GLYATL2: variants seen among roughly 807,000 people sequenced by gnomAD.
The protein encoded by GLYATL2 is glycine-N-acyltransferase like 2, also known as glycine N-acyltransferase-like protein 2.
A neutral mutation model predicts 21.4 loss-of-function variants in GLYATL2; 25 were observed. The observed-to-expected ratio is 1.17, with a 90% CI of 0.85 to 1.63. The LOEUF is 1.63. GLYATL2 is among the 40% of genes most tolerant of loss of function. The probability of loss-of-function intolerance (pLI) is 0.00; values close to 1 mark genes in which losing one functional copy is unlikely to be tolerated. For synonymous variants in GLYATL2, 114 were observed against 118.2 expected (o/e 0.96, Z 0.23); for missense variants, 361 against 343.3 (o/e 1.05, Z -0.41).
intron 1 of GLYATL2, among the ~76,000 whole-genome samples, chr11:58,869,888 A>G (rs567460): frequency 0.89 from 134,727 of 152,136 alleles, 60,862 homozygotes; most frequent in Non-Finnish European, 0.98. Flanking sequence ...TAAAACTATA[A>G]CCAGGAGTTT....
intron 5 of GLYATL2, 73 bp from the exon 6 acceptor site, chr11:58,834,910 A>G: frequency 8.6e-7 from 1 of 1,159,392 alleles, no homozygotes; most frequent in Non-Finnish European, 1.2e-6. Context: ...AATAAATATA[A>G]CACCATTCCT....
chr11:58,861,352 T>C (rs1244775771), intron 1 of GLYATL2, among the ~76,000 whole-genome samples: 2 of 151,862 alleles, frequency 1.3e-5, no homozygotes, highest in East Asian at 4.1e-4. Flanking sequence ...TATTCTAGAT[T>C]ATTCCAATTT....
intron 1 of GLYATL2, among the ~76,000 whole-genome samples, chr11:58,861,593 C>T (rs1853932849): frequency 6.6e-6 from 1 of 151,206 alleles, no homozygotes; most frequent in Admixed American, 6.6e-5. Context: ...TTTTTTCCTT[C>T]ATTCTATTAA....
rs1854612020 is a variant in GLYATL2 at position 58,895,116 on chromosome 11, T to C, written n.60+9040A>G. Among the ~76,000 whole-genome samples the C allele has an allele frequency of 2.0e-5, 3 of 152,320 alleles. No individual in the cohort carries two copies. In the South Asian group the frequency reaches 6.2e-4, roughly 32 times the overall value. On this transcript the variant is annotated intron_variant and non_coding_transcript_variant, in intron 1 of 4. Transcript: ENST00000533636. The stretch of plus-strand genomic sequence containing the variant: ...TGTCCAGCTGGCAGCTTCCCTCCTC[T>C]GTCCCTTCCCTGAATGCAAGCCAGC...
intron 1 of GLYATL2, chr11:58,892,522 G>A (rs1854562277): frequency 5.4e-6 from 1 of 184,052 alleles, no homozygotes; most frequent in South Asian, 1.6e-4. Context: ...AGAACAATCT[G>A]TGGTGTGACA....
At chr11:58,898,004 A>G (rs763152338) in intron 1 of GLYATL2, among the ~76,000 whole-genome samples, 4 of 152,182 alleles carry the variant, frequency 2.6e-5, no homozygotes, top group Non-Finnish European at 5.9e-5. Flanking sequence ...TGCCTCCACT[A>G]TGGAGTCTTA....
chr11:58,905,724 GTCATC>G, upstream of GLYATL2: 1 of 191,696 alleles, frequency 5.2e-6, no homozygotes, highest in Non-Finnish European at 1.1e-5. Context: ...ACCGGGATGG[GTCATC>G]TGGACAAATA....
At position 58,880,943 on chromosome 11, in the gene GLYATL2, T is replaced by A. The variant is rs1003574631; in HGVS notation, n.60+23213A>T. Among the ~76,000 whole-genome samples, 7 of 152,322 alleles carry A rather than the reference T, an allele frequency of 4.6e-5. No individual in the cohort carries two copies. In the East Asian group the frequency reaches 1.3e-3, roughly 29 times the overall value. ...CTATTTAACCTTCAAAGATAAAAAA[T>A]TTCAAACATCTGTATTAACTAATTT... On this transcript the variant is annotated intron_variant and non_coding_transcript_variant, in intron 1 of 4. Transcript: ENST00000533636.
At chr11:58,909,723 A>G in the GLYATL2 span, among the ~76,000 whole-genome samples, 3 of 152,222 alleles carry the variant, frequency 2.0e-5, no homozygotes. Flanking sequence ...CTAGACTGGT[A>G]AGGTAGTGTG....
At chr11:58,885,732 T>G (rs1197129851) in intron 1 of GLYATL2, among the ~76,000 whole-genome samples, 1 of 152,006 alleles carries the variant, frequency 6.6e-6, no homozygotes. Flanking sequence ...AGGACTCTTC[T>G]GGGAAAAGGG....
chr11:58,855,974 A>T (rs1232752811), intron 1 of GLYATL2, among the ~76,000 whole-genome samples: 4 of 151,924 alleles, frequency 2.6e-5, no homozygotes, highest in East Asian at 1.9e-4. Flanking sequence ...AAATAAAAAT[A>T]AAAAAAATCA....
At chr11:58,876,108 A>C (rs980492400) in intron 1 of GLYATL2, among the ~76,000 whole-genome samples, 2 of 152,020 alleles carry the variant, frequency 1.3e-5, no homozygotes, top group Admixed American at 1.3e-4. Flanking sequence ...TGCATTCATC[A>C]CGTTGTTCTC....
intron 1 of GLYATL2, among the ~76,000 whole-genome samples, chr11:58,879,646 A>G (rs1224088741): frequency 6.6e-6 from 1 of 152,166 alleles, no homozygotes; most frequent in African/African-American, 2.4e-5. Flanking sequence ...TAGAGTCATA[A>G]AGTAAAATAA....
At chr11:58,884,423 C>T (rs1427531706) in intron 1 of GLYATL2, among the ~76,000 whole-genome samples, 1 of 152,148 alleles carries the variant, frequency 6.6e-6, no homozygotes, top group Non-Finnish European at 1.5e-5. Context: ...CAATAACAGA[C>T]AAACAGAGAG....
intron 1 of GLYATL2, among the ~76,000 whole-genome samples, chr11:58,879,854 G>T (rs368384354): frequency 7.7e-6 from 1 of 130,102 alleles, no homozygotes; most frequent in African/African-American, 2.8e-5. Context: ...TTTTTTCCTT[G>T]TTTTTTTTTT....
chr11:58,840,936 A>G (rs946466955), intron 1 of GLYATL2: 1 of 151,610 alleles, frequency 6.6e-6, no homozygotes, highest in Non-Finnish European at 1.5e-5. Context: ...ATCTGTGTAT[A>G]TGTACATTTG....
Position 58,879,282 on chromosome 11 carries a change from T to C in GLYATL2, n.60+24874A>G, listed in dbSNP as rs181051294. Among the ~76,000 whole-genome samples, 805 of 152,234 alleles carry C rather than the reference T, an allele frequency of 5.3e-3. 8 individuals are homozygous for C. The highest frequency in any genetic ancestry group is 0.019 in the African/African-American group (771 of 41,532). Reference sequence around the variant, plus strand: ...CACATTCTTTCACTACCCAAAACAATTTTCATGTTTATTTATTCCCTTCAA... The same window carrying C: ...CACATTCTTTCACTACCCAAAACAACTTTCATGTTTATTTATTCCCTTCAA... On this transcript the variant is annotated intron_variant and non_coding_transcript_variant, in intron 1 of 4. Transcript: ENST00000533636.
intron 1 of GLYATL2, among the ~76,000 whole-genome samples, chr11:58,900,109 T>C (rs1052838376): frequency 1.3e-5 from 2 of 152,186 alleles, no homozygotes. Context: ...CCCTTTTCTT[T>C]TGTATTTTTA....
intron 1 of GLYATL2, among the ~76,000 whole-genome samples, chr11:58,873,219 T>G (rs1854158715): frequency 6.6e-6 from 1 of 151,668 alleles, no homozygotes; most frequent in African/African-American, 2.4e-5. Context: ...TATACAATCA[T>G]GTAATGTGCA....
Sources: allele counts gnomAD v4.1 joint callset (sites outside exome capture counted in the v4.1 genomes callset), GRCh38; gene constraint gnomAD v4.1.1; transcripts MANE v1.5; gene names NCBI Gene and HGNC (gene_info 2026-07-23, HGNC 2026-07-21).